DIAPH2: variants seen among roughly 807,000 people sequenced by gnomAD.
The protein encoded by DIAPH2 is protein diaphanous homolog 2.
A neutral mutation model predicts 92.7 loss-of-function variants in DIAPH2; 35 were observed. That is an observed-to-expected ratio of 0.38 (90% CI 0.29 to 0.50). DIAPH2 has a LOEUF of 0.50. Ranked by LOEUF, DIAPH2 falls within the 20% of genes least tolerant of loss-of-function variation. The pLI is 0.94. For missense variants in DIAPH2, 701 were observed against 819.5 expected, an observed-to-expected ratio of 0.86 and a Z score of 1.77; for synonymous variants, 301 against 280.4, an observed-to-expected ratio of 1.07 and a Z score of -0.73.
chrX:97,454,239 CAGATACTTTA>C (rs1163832280), intron 26 of DIAPH2, among the ~76,000 whole-genome samples: 1 of 111,207 alleles, frequency 9.0e-6, no homozygotes, highest in Admixed American at 9.6e-5. Flanking sequence ...GAGAGGTAGA[CAGATACTTTA>C]AGACTCACTG....
At chrX:97,143,199 A>C (rs1042798077) in intron 22 of DIAPH2, among the ~76,000 whole-genome samples, 1 of 111,434 alleles carries the variant, frequency 9.0e-6, no homozygotes, top group Non-Finnish European at 1.9e-5. Flanking sequence ...TTGGATTTAA[A>C]AATACAGCTT....
At chrX:96,789,517 A>G (rs2064483756) in intron 4 of DIAPH2, among the ~76,000 whole-genome samples, 1 of 112,057 alleles carries the variant, frequency 8.9e-6, no homozygotes, top group South Asian at 3.7e-4. Context: ...TGCTATGTCC[A>G]CTTTTCTGCA....
At chrX:96,800,240 A>G (rs752206943) in intron 4 of DIAPH2, among the ~76,000 whole-genome samples, 15 of 91,435 alleles carry the variant, frequency 1.6e-4, no homozygotes, top group Admixed American at 5.3e-4. Flanking sequence ...TTATAGTCGA[A>G]TAGTCTCACA....
chrX:97,024,089 A>G (rs2066315571), intron 17 of DIAPH2, among the ~76,000 whole-genome samples: 1 of 112,092 alleles, frequency 8.9e-6, no homozygotes, highest in Admixed American at 9.5e-5. Flanking sequence ...TGAGATGGAT[A>G]CTAGGGGTTT....
intron 26 of DIAPH2, among the ~76,000 whole-genome samples, chrX:97,518,026 T>C (rs1268129260): frequency 8.9e-6 from 1 of 112,084 alleles, no homozygotes. Flanking sequence ...AATAGCACTG[T>C]AGCGTTGGGC....
At chrX:97,011,128 A>G (rs952819603) in intron 17 of DIAPH2, among the ~76,000 whole-genome samples, 3 of 112,494 alleles carry the variant, frequency 2.7e-5, no homozygotes, top group East Asian at 5.5e-4. Flanking sequence ...CTACGTGTAT[A>G]TGTTCCTGTT....
At chrX:96,709,151 A>G (rs1328778490) in intron 1 of DIAPH2, among the ~76,000 whole-genome samples, 1 of 112,582 alleles carries the variant, frequency 8.9e-6, no homozygotes, top group Non-Finnish European at 1.9e-5. Context: ...AATGATGAAT[A>G]TCATTAAAAG....
intron 22 of DIAPH2, among the ~76,000 whole-genome samples, chrX:97,173,092 C>T (rs2067465956): frequency 8.9e-6 from 1 of 112,641 alleles, no homozygotes; most frequent in Non-Finnish European, 1.9e-5. Context: ...GATTCTACTA[C>T]AGTGCTAAAA....
intron 24 of DIAPH2, among the ~76,000 whole-genome samples, chrX:97,355,623 G>A (rs73550375): frequency 0.015 from 1,704 of 111,245 alleles, 25 homozygotes; most frequent in African/African-American, 0.053. Flanking sequence ...CTGCAAGACC[G>A]TGATGTGCTT....
intron 26 of DIAPH2, among the ~76,000 whole-genome samples, chrX:97,579,694 A>T (rs1234525328): frequency 9.1e-6 from 1 of 110,004 alleles, no homozygotes; most frequent in Non-Finnish European, 1.9e-5. Context: ...GTTTTTTCCA[A>T]TTCTGTGAAG....
chrX:96,705,168 T>C (rs776158429), intron 1 of DIAPH2, among the ~76,000 whole-genome samples: 24 of 109,921 alleles, frequency 2.2e-4, no homozygotes, highest in African/African-American at 6.6e-4. Context: ...GAGACAGGGT[T>C]TCACCATGTT....
intron 23 of DIAPH2, among the ~76,000 whole-genome samples, chrX:97,330,296 A>G (rs746889910): frequency 5.5e-5 from 6 of 109,520 alleles, no homozygotes; most frequent in South Asian, 8.0e-4. Flanking sequence ...CATCTTGCAT[A>G]ACTGAAACTC....
chrX:97,191,548 G>C (rs1310302801), intron 22 of DIAPH2, among the ~76,000 whole-genome samples: 1 of 110,745 alleles, frequency 9.0e-6, no homozygotes, highest in Non-Finnish European at 1.9e-5. Flanking sequence ...TAGGAAAGTA[G>C]GTGTAGGCTG....
intron 23 of DIAPH2, among the ~76,000 whole-genome samples, chrX:97,305,824 C>CAAAA (rs754094514): frequency 4.1e-5 from 2 of 49,175 alleles, no homozygotes; most frequent in African/African-American, 7.4e-5. Context: ...ACTCCTTCTC[C>CAAAA]AAAAAAAAAA....
Position 96,684,855 on chromosome X carries a change from G to A in DIAPH2, c.-204G>A, listed in dbSNP as rs1334917473. ...GGGGCAGGGCTTGCCCCAGCGCCGA[G>A]TAGTGGCAACGGCGTGGTTGCGTCG... On this transcript the variant is annotated 5_prime_UTR_variant, in exon 1 of 27. Coordinates refer to ENST00000324765, the MANE Select transcript of DIAPH2 (RefSeq NM_006729.5). The A allele has an allele frequency of 5.6e-6, 2 of 356,510 alleles. No individual in the cohort carries two copies. The highest frequency in any genetic ancestry group is 2.7e-5 in the African/African-American group (1 of 37,455). 29.4% of individuals were successfully genotyped at this position (356,510 alleles called of 1,213,427 possible).
At chrX:97,491,517 T>A (rs1300116838) in intron 26 of DIAPH2, among the ~76,000 whole-genome samples, 1 of 110,912 alleles carries the variant, frequency 9.0e-6, no homozygotes, top group Non-Finnish European at 1.9e-5. Context: ...TTCAAGTGAT[T>A]CTCCTGTCTC....
intron 4 of DIAPH2, among the ~76,000 whole-genome samples, chrX:96,837,425 CTCTCTCTCTGTGTG>C (rs750789402): frequency 2.2e-3 from 182 of 81,532 alleles, no homozygotes; most frequent in African/African-American, 8.2e-3. Context: ...CTCTCTCTCT[CTCTCTCTCTGTGTG>C]TGTGTGTGTG....
At chrX:96,713,186 T>G in intron 1 of DIAPH2, among the ~76,000 whole-genome samples, 1 of 112,030 alleles carries the variant, frequency 8.9e-6, no homozygotes, top group Non-Finnish European at 1.9e-5. Context: ...TTTTCTTGTG[T>G]ACCTTTGTTC....
At chrX:97,416,004 C>G (rs1256757468) in intron 25 of DIAPH2, among the ~76,000 whole-genome samples, 1 of 111,794 alleles carries the variant, frequency 8.9e-6, no homozygotes. Flanking sequence ...GAATAATTAT[C>G]TTTCAGCAGC....
Sources: allele counts gnomAD v4.1 joint callset (sites outside exome capture counted in the v4.1 genomes callset), GRCh38; gene constraint gnomAD v4.1.1; transcripts MANE v1.5; gene names NCBI Gene and HGNC (gene_info 2026-07-23, HGNC 2026-07-21).